TNS3: variants seen among roughly 807,000 people sequenced by gnomAD.
TNS3 encodes the protein tensin-3.
TNS3 carries 45 observed loss-of-function variants against 140.9 expected under a neutral mutation model. That is an observed-to-expected ratio of 0.32 (90% CI 0.25 to 0.41). The LOEUF (loss-of-function observed/expected upper bound fraction) is 0.41, where lower values mean the gene tolerates loss of function less well. TNS3 is among the 10% of genes least tolerant of loss of function. The probability of loss-of-function intolerance (pLI) is 1.00; values close to 1 mark genes in which losing one functional copy is unlikely to be tolerated. For missense variants in TNS3, 1,716 were observed against 1,906.7 expected (o/e 0.90, Z 1.86); for synonymous variants, 815 against 788.4 (o/e 1.03, Z -0.56).
intron 20 of TNS3, among the ~76,000 whole-genome samples, chr7:47,322,379 G>A (rs776437593): frequency 7.2e-5 from 11 of 151,896 alleles, no homozygotes; most frequent in South Asian, 2.1e-4. Context: ...AAAATTAGCC[G>A]GGCGTGGTAG....
At chr7:47,509,045 C>T (rs1798515591) in intron 2 of TNS3, among the ~76,000 whole-genome samples, 1 of 152,184 alleles carries the variant, frequency 6.6e-6, no homozygotes, top group African/African-American at 2.4e-5. Flanking sequence ...TGGGAGATAA[C>T]AGATGCTTAC....
chr7:47,450,162 T>C (rs571287459), intron 4 of TNS3, among the ~76,000 whole-genome samples: 32 of 152,324 alleles, frequency 2.1e-4, no homozygotes, highest in Middle Eastern at 3.4e-3. Context: ...TGAAGAGGCA[T>C]GAGGATGCTG....
At chr7:47,359,676 T>C (rs1371866242) in intron 17 of TNS3, among the ~76,000 whole-genome samples, 1 of 152,254 alleles carries the variant, frequency 6.6e-6, no homozygotes, top group East Asian at 1.9e-4. Flanking sequence ...TTATTGTGAA[T>C]TACTTTCTTT....
chr7:47,436,879 ACATATAT>A (rs1156643813), intron 7 of TNS3, among the ~76,000 whole-genome samples: 7 of 152,172 alleles, frequency 4.6e-5, no homozygotes, highest in African/African-American at 1.7e-4. Context: ...TTTGTTCTAT[ACATATAT>A]ATTAGTATTT....
chr7:47,394,413 G>C (rs560755874), intron 16 of TNS3, among the ~76,000 whole-genome samples: 1 of 152,318 alleles, frequency 6.6e-6, no homozygotes, highest in South Asian at 2.1e-4. Flanking sequence ...GCCCTCACCA[G>C]AATCCGCCAG....
intron 1 of TNS3, among the ~76,000 whole-genome samples, chr7:47,533,352 G>A (rs914545893): frequency 1.9e-4 from 29 of 150,096 alleles, no homozygotes; most frequent in African/African-American, 5.6e-4. Context: ...GGCTGGTCTC[G>A]AACTCCTGAC....
At chr7:47,471,562 C>A (rs538208336) in intron 4 of TNS3, among the ~76,000 whole-genome samples, 1 of 152,328 alleles carries the variant, frequency 6.6e-6, no homozygotes, top group South Asian at 2.1e-4. Context: ...CCTGGGGTGA[C>A]AGAAGCCTCA....
At position 47,297,065 on chromosome 7, in the gene TNS3, G is replaced by A; in HGVS notation, c.3676+17C>T. The A allele has an allele frequency of 6.2e-7, 1 of 1,614,048 alleles. No homozygotes were observed. Among genetic ancestry groups the A allele is most frequent in the Non-Finnish European group, 8.5e-7 (1 of 1,180,022 alleles). On this transcript the variant is annotated intron_variant, in intron 24 of 30. Coordinates refer to ENST00000311160, the MANE Select transcript of TNS3 (RefSeq NM_022748.12). ...TGTGGATGAGCTGAACAGATCAATA[G>A]GGAGCAGTAACCTTACCTTTCTTGT...
Position 47,369,521 on chromosome 7 carries a change from C to G in TNS3, c.1125G>C (p.Pro375=), listed in dbSNP as rs772733876. The G allele has an allele frequency of 1.9e-6, 3 of 1,613,894 alleles. No individual in the cohort carries two copies. The highest frequency in any genetic ancestry group is 1.7e-6 in the Non-Finnish European group (2 of 1,179,930). The part of the protein sequence containing the change: ...PGIPGGPQAI[P]ATNSPDHSDH... ...CACTGTGGTCTGGGCTGTTGGTGGC[C>G]GGGATTGCCTGGGGGCCACCTGGGA... Residue 375 remains proline, a synonymous_variant, in exon 17 of 31, where the codon CCG becomes CCC. Transcript: ENST00000311160.
intron 13 of TNS3, among the ~76,000 whole-genome samples, chr7:47,408,758 G>T (rs1183311336): frequency 1.3e-5 from 2 of 152,174 alleles, no homozygotes; most frequent in African/African-American, 2.4e-5. Flanking sequence ...TTGCAAGACA[G>T]ACATCCTTAC....
At chr7:47,353,255 G>A (rs1381679859) in intron 17 of TNS3, among the ~76,000 whole-genome samples, 3 of 152,192 alleles carry the variant, frequency 2.0e-5, no homozygotes, top group African/African-American at 7.2e-5. Context: ...CACCCTGCGG[G>A]TTCAGTACTT....
intron 17 of TNS3, among the ~76,000 whole-genome samples, chr7:47,358,330 G>T (rs534783859): frequency 6.6e-6 from 1 of 152,204 alleles, no homozygotes; most frequent in African/African-American, 2.4e-5. Context: ...GTAGAGATGA[G>T]GTTTCATCAT....
intron 8 of TNS3, among the ~76,000 whole-genome samples, chr7:47,432,890 T>A (rs1794993126): frequency 6.6e-6 from 1 of 152,256 alleles, no homozygotes; most frequent in Non-Finnish European, 1.5e-5. Context: ...AGCTGCATTC[T>A]TTTGGACTTG....
intron 2 of TNS3, among the ~76,000 whole-genome samples, chr7:47,516,811 C>T (rs776119026): frequency 2.0e-5 from 3 of 152,172 alleles, no homozygotes; most frequent in African/African-American, 4.8e-5. Context: ...GGCTATAATC[C>T]CAGCACTTTG....
chr7:47,457,772 G>C (rs1796319621), intron 4 of TNS3, among the ~76,000 whole-genome samples: 1 of 152,224 alleles, frequency 6.6e-6, no homozygotes, highest in African/African-American at 2.4e-5. Context: ...CCATGGGAAA[G>C]GACTTGGAGG....
At chr7:47,537,865 G>C (rs1187171945) in intron 1 of TNS3, among the ~76,000 whole-genome samples, 2 of 152,054 alleles carry the variant, frequency 1.3e-5, no homozygotes, top group African/African-American at 4.8e-5. Context: ...AACCAGGTAA[G>C]GATTTCAAGC....
At chr7:47,393,825 C>T (rs1282289159) in intron 16 of TNS3, among the ~76,000 whole-genome samples, 1 of 152,164 alleles carries the variant, frequency 6.6e-6, no homozygotes, top group Non-Finnish European at 1.5e-5. Context: ...ACCACTCTTT[C>T]CCGGGTGTCC....
intron 27 of TNS3, among the ~76,000 whole-genome samples, chr7:47,288,056 T>C (rs935969110): frequency 2.6e-5 from 4 of 152,248 alleles, no homozygotes; most frequent in African/African-American, 9.6e-5. Flanking sequence ...AATTCATTTA[T>C]TAATTCCACA....
chr7:47,397,112 G>T (rs1562687615), intron 15 of TNS3, among the ~76,000 whole-genome samples: 3 of 152,142 alleles, frequency 2.0e-5, no homozygotes, highest in Non-Finnish European at 2.9e-5. Context: ...CCACGAGGGG[G>T]AAGGGATAAG....
Sources: gnomAD v4.1 joint callset for allele counts (sites outside exome capture counted in the v4.1 genomes callset) on GRCh38, gnomAD v4.1.1 for gene constraint, MANE v1.5 for transcripts, NCBI Gene and HGNC (gene_info 2026-07-23, HGNC 2026-07-21) for gene names.